Variants in LIPC observed in about 807,000 individuals in gnomAD.
The protein encoded by LIPC is hepatic triacylglycerol lipase.
In LIPC, 44 loss-of-function variants were observed where a neutral mutation model predicts 50.7. The observed-to-expected ratio is 0.87, with a 90% confidence interval of 0.68 to 1.11. The LOEUF (loss-of-function observed/expected upper bound fraction) is 1.11. Among genes scored for constraint, LIPC ranks in the 50% most tolerant of loss-of-function variants. The pLI is 0.00. For missense variants in LIPC, 697 were observed against 648.2 expected, an observed-to-expected ratio of 1.08 and a Z score of -0.82; for synonymous variants, 271 against 256.4, an observed-to-expected ratio of 1.06 and a Z score of -0.54.
At chr15:58,489,793 T>A (rs1891521641) in intron 1 of LIPC, among the ~76,000 whole-genome samples, 1 of 152,164 alleles carries the variant, frequency 6.6e-6, no homozygotes, top group African/African-American at 2.4e-5. Flanking sequence ...TTCACTGGTT[T>A]TGCAAAAGTG....
At chr15:58,568,143 A>G (rs1201830181) in intron 8 of LIPC, among the ~76,000 whole-genome samples, 2 of 152,234 alleles carry the variant, frequency 1.3e-5, no homozygotes, top group Non-Finnish European at 1.5e-5. Context: ...AAAGCAGTCT[A>G]GTTGTTGTTT....
At chr15:58,536,546 T>C (rs1222671967) in intron 1 of LIPC, among the ~76,000 whole-genome samples, 1 of 152,000 alleles carries the variant, frequency 6.6e-6, no homozygotes, top group Non-Finnish European at 1.5e-5. Flanking sequence ...AACCTGAAGC[T>C]TTGGACTGAT....
intron 1 of LIPC, among the ~76,000 whole-genome samples, chr15:58,469,281 G>A (rs1392850237): frequency 2.6e-5 from 4 of 152,040 alleles, no homozygotes; most frequent in Non-Finnish European, 5.9e-5. Context: ...TCACAGGCAT[G>A]AACCACCATA....
In LIPC at chr15:58,489,026, G is replaced by A. The variant is rs189279717; in HGVS notation, c.89-49307G>A. On this transcript the variant is annotated intron_variant, in intron 1 of 8. Coordinates refer to ENST00000299022, the MANE Select transcript of LIPC (RefSeq NM_000236.3). ...GAGAGTGTGCATCTGCAAGTGCATT[G>A]TAAACTGCAAAAATAATTGTGGTTC... is the stretch of plus-strand genomic sequence containing the variant. 8.1e-4 allele frequency among the ~76,000 whole-genome samples: 123 copies of A among 152,178 alleles called. 1 individual carries two copies. The highest frequency in any genetic ancestry group is 1.5e-3 in the Non-Finnish European group (102 of 68,016).
At chr15:58,543,140 T>A (rs969966153) in intron 4 of LIPC, among the ~76,000 whole-genome samples, 1 of 152,226 alleles carries the variant, frequency 6.6e-6, no homozygotes, top group Non-Finnish European at 1.5e-5. Flanking sequence ...CCAAACTCCA[T>A]ACACACTCAG....
At chr15:58,497,935 G>C (rs890372846) in intron 1 of LIPC, 1 of 152,152 alleles carries the variant, frequency 6.6e-6, no homozygotes, top group Non-Finnish European at 1.5e-5. Context: ...TATTCATGAT[G>C]TATTTTTTTT....
intron 1 of LIPC, among the ~76,000 whole-genome samples, chr15:58,470,389 T>G (rs190347055): frequency 9.2e-5 from 14 of 152,212 alleles, no homozygotes; most frequent in Admixed American, 7.2e-4. Context: ...TCTAAGAAAT[T>G]TTTATGAAGT....
chr15:58,487,706 G>A (rs1300219503), intron 1 of LIPC, among the ~76,000 whole-genome samples: 1 of 152,214 alleles, frequency 6.6e-6, no homozygotes, highest in African/African-American at 2.4e-5. Flanking sequence ...CAATTAGCAA[G>A]TTTAAAAGGA....
At chr15:58,506,957 G>A (rs1352999779) in intron 1 of LIPC, among the ~76,000 whole-genome samples, 2 of 152,206 alleles carry the variant, frequency 1.3e-5, no homozygotes, top group African/African-American at 4.8e-5. Context: ...TTCCGCAAAT[G>A]GTGGCAACAA....
At chr15:58,437,193 G>A (rs1374357083) in intron 1 of LIPC, among the ~76,000 whole-genome samples, 1 of 152,124 alleles carries the variant, frequency 6.6e-6, no homozygotes, top group Non-Finnish European at 1.5e-5. Context: ...CACAGAGGAT[G>A]GGTTTCCAAG....
At chr15:58,499,079 G>C (rs1199955447) in intron 1 of LIPC, among the ~76,000 whole-genome samples, 1 of 152,222 alleles carries the variant, frequency 6.6e-6, no homozygotes, top group Non-Finnish European at 1.5e-5. Flanking sequence ...AGGCCAGGCT[G>C]GGGTGGGAAG....
At chr15:58,458,027 G>A (rs945113785) in intron 1 of LIPC, among the ~76,000 whole-genome samples, 1 of 152,198 alleles carries the variant, frequency 6.6e-6, no homozygotes, top group Non-Finnish European at 1.5e-5. Context: ...GGAGGATTAA[G>A]AAATACATTT....
At position 58,541,930 on chromosome 15, in the gene LIPC, T is replaced by C. The variant is rs1290337063; in HGVS notation, c.419T>C (p.Val140Ala). 1 of 1,611,832 alleles carries C rather than the reference T, an allele frequency of 6.2e-7. No homozygotes were observed. Reference protein sequence around the residue: ...YTIAVRNTRLVGKEVAALLRW... With the variant: ...YTIAVRNTRLAGKEVAALLRW... ...ATCGCCGTCCGCAACACCCGCCTTG[T>C]GGGCAAGGAGGTCGCGGCTCTTCTC... is the stretch of plus-strand genomic sequence containing the variant. Residue 140 changes from valine to alanine, a missense_variant, in exon 3 of 9, where the codon GTG (valine) becomes GCG (alanine). Coordinates refer to ENST00000299022, the MANE Select transcript of LIPC (RefSeq NM_000236.3).
chr15:58,542,985 G>C (rs1287735785), intron 4 of LIPC, among the ~76,000 whole-genome samples: 2 of 152,206 alleles, frequency 1.3e-5, no homozygotes, highest in Non-Finnish European at 2.9e-5. Flanking sequence ...ATTTGGGCGA[G>C]TTAAGGAGTG....
At chr15:58,451,995 A>G (rs1402042254) in intron 1 of LIPC, among the ~76,000 whole-genome samples, 8 of 152,222 alleles carry the variant, frequency 5.3e-5, no homozygotes, top group African/African-American at 1.9e-4. Flanking sequence ...GAACCAACAC[A>G]ATGCTCAAGC....
At chr15:58,462,034 A>G (rs1486804683) in intron 1 of LIPC, among the ~76,000 whole-genome samples, 1 of 151,726 alleles carries the variant, frequency 6.6e-6, no homozygotes, top group Non-Finnish European at 1.5e-5. Context: ...CCTGCACTGG[A>G]TCATCCAAGT....
intron 6 of LIPC, among the ~76,000 whole-genome samples, chr15:58,559,937 A>G (rs1451422596): frequency 6.6e-6 from 1 of 152,218 alleles, no homozygotes; most frequent in Non-Finnish European, 1.5e-5. Flanking sequence ...GGAAGCTAAG[A>G]GCACAGATGC....
chr15:58,565,577 C>A (rs1595961118), intron 8 of LIPC: 3 of 1,135,716 alleles, frequency 2.6e-6, no homozygotes, highest in Non-Finnish European at 2.2e-6. Context: ...AGATTAGGAA[C>A]CTGAGGCTCA....
chr15:58,563,472 C>G, intron 7 of LIPC, 33 bp from the exon 8 acceptor site: 9 of 1,553,556 alleles, frequency 5.8e-6, no homozygotes, highest in Non-Finnish European at 8.0e-6. Flanking sequence ...TACGACTAAA[C>G]TGATTGTGTC....
Sources: gnomAD v4.1 joint callset for allele counts (sites outside exome capture counted in the v4.1 genomes callset) on GRCh38, gnomAD v4.1.1 for gene constraint, MANE v1.5 for transcripts, NCBI Gene and HGNC (gene_info 2026-07-23, HGNC 2026-07-21) for gene names.